Variants in GARRE1 observed in about 807,000 individuals in gnomAD.
GARRE1 encodes granule associated Rac and RHOG effector 1, also known as granule associated Rac and RHOG effector protein 1.
In GARRE1, 49 loss-of-function variants were observed where a neutral mutation model predicts 103.2. The observed-to-expected ratio is 0.47, with a 90% confidence interval of 0.38 to 0.60. The LOEUF is 0.60. Ranked by LOEUF, GARRE1 falls within the 20% of genes least tolerant of loss-of-function variation. GARRE1 has a pLI of 0.00. For synonymous variants in GARRE1, 505 were observed against 532.8 expected (o/e 0.95, Z 0.72); for missense variants, 1,199 against 1,370.5 (o/e 0.87, Z 1.98).
intron 1 of GARRE1, among the ~76,000 whole-genome samples, chr19:34,266,890 G>GT (rs34892471): frequency 8.0e-5 from 12 of 150,622 alleles, no homozygotes; most frequent in South Asian, 2.1e-4. Flanking sequence ...ATAAATACTT[G>GT]TTTTTTTTTC....
At chr19:34,278,782 A>C (rs1426055654) in intron 1 of GARRE1, among the ~76,000 whole-genome samples, 1 of 151,936 alleles carries the variant, frequency 6.6e-6, no homozygotes, top group Non-Finnish European at 1.5e-5. Context: ...AGTGATCCTC[A>C]TGCCTCAGCC....
chr19:34,317,275 C>T (rs2074064280), intron 2 of GARRE1, among the ~76,000 whole-genome samples: 1 of 152,266 alleles, frequency 6.6e-6, no homozygotes, highest in Admixed American at 6.5e-5. Flanking sequence ...CTTGCTCATT[C>T]TCTTTCCAGT....
At chr19:34,287,780 AAG>A (rs2073895756) in intron 1 of GARRE1, among the ~76,000 whole-genome samples, 1 of 152,190 alleles carries the variant, frequency 6.6e-6, no homozygotes, top group East Asian at 1.9e-4. Context: ...ATATGGCAGA[AAG>A]AGAGTGAACT....
chr19:34,341,437 C>G lies in GARRE1; in HGVS notation c.1503C>G (p.Pro501=). ...GTTTAAATAGGGAGCAAGCTTTACC[C>G]TGCATACAGATCCAGCTGCAAAGGG... ...RWRAGREQAL[P]CIQIQLQREI... The change falls in exon 10 of 14, where the codon CCC becomes CCG. Residue 501 remains proline, a synonymous_variant. Transcript: ENST00000299505. 6.2e-7 allele frequency: 1 copy of G among 1,613,222 alleles called. No homozygotes were observed. The highest frequency in any genetic ancestry group is 1.1e-5 in the South Asian group (1 of 90,992).
intron 3 of GARRE1, 71 bp downstream of exon 3, chr19:34,320,187 G>C: frequency 7.7e-7 from 1 of 1,299,086 alleles, no homozygotes. Context: ...TTTGCCTGTT[G>C]ATTCTCAAAA....
chr19:34,293,388 T>C (rs937944276), intron 1 of GARRE1, among the ~76,000 whole-genome samples: 3 of 143,404 alleles, frequency 2.1e-5, no homozygotes, highest in Non-Finnish European at 4.5e-5. Context: ...CCAGATGTAA[T>C]TGTTCTCTTG....
At chr19:34,352,607 T>G in intron 13 of GARRE1, 40 bp from the exon 14 acceptor site, 1 of 1,543,666 alleles carries the variant, frequency 6.5e-7, no homozygotes, top group Non-Finnish European at 8.9e-7. Context: ...TGATGATACA[T>G]TGCCCGAAAT....
chr19:34,274,665 C>T (rs2073806410), intron 1 of GARRE1, among the ~76,000 whole-genome samples: 1 of 152,092 alleles, frequency 6.6e-6, no homozygotes, highest in Non-Finnish European at 1.5e-5. Context: ...GGAATCTTCC[C>T]AGAAGGAATA....
intron 10 of GARRE1, among the ~76,000 whole-genome samples, chr19:34,344,452 G>A (rs868826754): frequency 6.6e-6 from 1 of 151,186 alleles, no homozygotes; most frequent in Non-Finnish European, 1.5e-5. Flanking sequence ...TTAGCCGGGC[G>A]TAGTGGCGGG....
chr19:34,308,279 A>G (rs944469594), intron 2 of GARRE1, among the ~76,000 whole-genome samples: 7 of 146,274 alleles, frequency 4.8e-5, no homozygotes, highest in Non-Finnish European at 9.0e-5. Flanking sequence ...GGTAAAAGTA[A>G]GTGTTACTTG....
At chr19:34,278,007 CT>C (rs756487383) in intron 1 of GARRE1, among the ~76,000 whole-genome samples, 5 of 146,574 alleles carry the variant, frequency 3.4e-5, no homozygotes, top group Non-Finnish European at 7.4e-5. Context: ...TATTGACTCA[CT>C]TTTTTTATTG....
chr19:34,320,158 G>C, intron 3 of GARRE1, 42 bp downstream of exon 3: 1 of 1,557,786 alleles, frequency 6.4e-7, no homozygotes, highest in Non-Finnish European at 8.8e-7. Context: ...TGTTCAAATA[G>C]GAGAGGCTCC....
intron 10 of GARRE1, among the ~76,000 whole-genome samples, chr19:34,343,911 G>A (rs1418771680): frequency 6.6e-6 from 1 of 152,160 alleles, no homozygotes; most frequent in Non-Finnish European, 1.5e-5. Flanking sequence ...AGCAAATAGT[G>A]CCTTATATAA....
chr19:34,293,656 A>T (rs2073930096), intron 1 of GARRE1, among the ~76,000 whole-genome samples: 1 of 146,680 alleles, frequency 6.8e-6, no homozygotes, highest in Non-Finnish European at 1.5e-5. Flanking sequence ...TGGCCTCCCA[A>T]AGTGCTAGGA....
intron 8 of GARRE1, among the ~76,000 whole-genome samples, chr19:34,335,084 A>G (rs2074155137): frequency 6.6e-6 from 1 of 152,118 alleles, no homozygotes; most frequent in Non-Finnish European, 1.5e-5. Context: ...TTTTGCCCAG[A>G]ATATTGTTAA....
At chr19:34,315,937 A>G (rs767634858) in intron 2 of GARRE1, among the ~76,000 whole-genome samples, 9 of 152,124 alleles carry the variant, frequency 5.9e-5, no homozygotes, top group Non-Finnish European at 1.2e-4. Flanking sequence ...GGTTGCTAGA[A>G]AACAGGCTCT....
intron 1 of GARRE1, among the ~76,000 whole-genome samples, chr19:34,279,018 A>T (rs1190094792): frequency 6.6e-6 from 1 of 152,064 alleles, no homozygotes; most frequent in Non-Finnish European, 1.5e-5. Flanking sequence ...GATATACCAC[A>T]TTTGTTTATC....
Position 34,341,774 on chromosome 19 carries a change from G to C in GARRE1, c.1840G>C (p.Val614Leu), listed in dbSNP as rs755727570. ...GTCAGCTCAGAATTCCAGTAATACA[G>C]TGGCCAATGGCTTTCTCATGGAGAG... ...SQSAQNSSNT[V>L]ANGFLMERRE... The change falls in exon 10 of 14, where the codon GTG becomes CTG. Residue 614 changes from valine to leucine, a missense_variant. Coordinates refer to ENST00000299505, the MANE Select transcript of GARRE1 (RefSeq NM_014686.5). 4 of 1,614,204 alleles carry C rather than the reference G, an allele frequency of 2.5e-6. No individual in the cohort carries two copies. The highest frequency in any genetic ancestry group is 3.4e-6 in the Non-Finnish European group (4 of 1,180,034).
intron 8 of GARRE1, among the ~76,000 whole-genome samples, chr19:34,336,123 CG>C (rs1288993842): frequency 6.6e-6 from 1 of 151,748 alleles, no homozygotes; most frequent in Non-Finnish European, 1.5e-5. Flanking sequence ...CCCAAGTAGG[CG>C]GGACTACAGG....
Sources: gnomAD v4.1 joint callset for allele counts (sites outside exome capture counted in the v4.1 genomes callset) on GRCh38, gnomAD v4.1.1 for gene constraint, MANE v1.5 for transcripts, NCBI Gene and HGNC (gene_info 2026-07-23, HGNC 2026-07-21) for gene names.